CMIP: variants seen among roughly 807,000 people sequenced by gnomAD.
The protein encoded by CMIP is C-Maf-inducing protein.
CMIP carries 13 observed loss-of-function variants against 97.3 expected under a neutral mutation model. The observed-to-expected ratio is 0.13, with a 90% CI of 0.09 to 0.21. CMIP has a LOEUF of 0.21. Ranked by LOEUF, CMIP falls within the 10% of genes least tolerant of loss-of-function variation. The pLI, the probability that CMIP is intolerant of heterozygous loss-of-function variation, is 1.00. For synonymous variants in CMIP, 538 were observed against 436.3 expected (o/e 1.23, Z -2.91); for missense variants, 847 against 1,024.9 (o/e 0.83, Z 2.37).
At chr16:81,706,208 T>C (rs1908119935) in intron 19 of CMIP, among the ~76,000 whole-genome samples, 1 of 152,222 alleles carries the variant, frequency 6.6e-6, no homozygotes, top group South Asian at 2.1e-4. Flanking sequence ...CTTTCCCTTT[T>C]CCAGGCCCAC....
At chr16:81,566,059 G>A (rs777265149) in intron 1 of CMIP, among the ~76,000 whole-genome samples, 1 of 152,222 alleles carries the variant, frequency 6.6e-6, no homozygotes, top group Non-Finnish European at 1.5e-5. Context: ...TGGGCAGCGG[G>A]GGACCTGGGA....
chr16:81,630,353 G>A (rs1320467881), intron 3 of CMIP: 1 of 152,286 alleles, frequency 6.6e-6, no homozygotes, highest in East Asian at 1.9e-4. Context: ...ACCGACTCAT[G>A]AGCCCAGGGC....
At chr16:81,687,313 C>G (rs531225508) in intron 10 of CMIP, among the ~76,000 whole-genome samples, 1 of 152,310 alleles carries the variant, frequency 6.6e-6, no homozygotes, top group East Asian at 1.9e-4. Flanking sequence ...AGCTGGGGAA[C>G]ACCAGGGACA....
intron 7 of CMIP, chr16:81,666,779 A>G (rs1394768726): frequency 6.6e-6 from 1 of 152,242 alleles, no homozygotes; most frequent in Non-Finnish European, 1.5e-5. Context: ...CCTCTCGTGT[A>G]GAAGAACAGA....
chr16:81,696,617 A>G lies in CMIP; in HGVS notation c.1588A>G (p.Ser530Gly). The change falls in exon 14 of 21, where the codon AGC becomes GGC. Residue 530 changes from serine (S) to glycine (G), a missense_variant. Physicochemically the swap from Ser to Gly is moderately conservative, Grantham distance 56. Around this residue, in one of 4 missense-constraint regions of CMIP, gnomAD observed 266 missense variants for 384.2 expected, o/e 0.69. Transcript: ENST00000537098. ...CAAAGATGGCTGGTTCCAGCTCTACAGCCCCGGAGGGGTGGCCTGCGACGA... is the reference window on the plus strand; with the variant it reads ...CAAAGATGGCTGGTTCCAGCTCTACGGCCCCGGAGGGGTGGCCTGCGACGA... Reference protein sequence around the residue: ...AGKDGWFQLYSPGGVACDDDG... With the variant: ...AGKDGWFQLYGPGGVACDDDG... The G allele has an allele frequency of 1.2e-6, 2 of 1,607,382 alleles. No individual in the cohort carries two copies. Among genetic ancestry groups the G allele is most frequent in the Non-Finnish European group, 1.7e-6 (2 of 1,179,844 alleles).
At chr16:81,660,783 G>A in intron 5 of CMIP, 101 bp from the exon 6 acceptor site, 6 of 1,247,246 alleles carry the variant, frequency 4.8e-6, no homozygotes, top group Admixed American at 1.7e-5. Flanking sequence ...GTGTTGCTCT[G>A]CATTTATTTT....
chr16:81,588,662 A>G (rs879586796), intron 1 of CMIP, among the ~76,000 whole-genome samples: 10 of 151,984 alleles, frequency 6.6e-5, no homozygotes, highest in Non-Finnish European at 1.3e-4. Context: ...GCTTATCATC[A>G]CTTAACATCC....
At chr16:81,586,111 A>G (rs8057329) in intron 1 of CMIP, among the ~76,000 whole-genome samples, 5,572 of 146,688 alleles carry the variant, frequency 0.038, 356 homozygotes, top group African/African-American at 0.13. Flanking sequence ...TTTTTTTTCC[A>G]GAAAGGATTT....
Position 81,678,639 on chromosome 16 carries a change from CCCCCGCGTGCCCG to C in CMIP, c.1388+16_1388+28del. 1 of 1,357,744 alleles carries C rather than the reference CCCCCGCGTGCCCG, an allele frequency of 7.4e-7. No individual in the cohort carries two copies. 84.1% of individuals were successfully genotyped at this position (1,357,744 alleles called of 1,614,324 possible). A position where few individuals can be genotyped will look rare whatever the true frequency, so the allele number is the denominator to read the frequency against. ...AATCCTCAAGCTGCTGTGAGTGCCC[CCCCCGCGTGCCCG>C]CCCCCGGGGCCGGTGGGAGGAGACT... On this transcript the variant is annotated intron_variant, in intron 10 of 20. Transcript: ENST00000537098.
rs1328298798 is a variant in CMIP, at chr16:81,614,928, ATC to A, written c.427-5944_427-5943del. ...TCTATATGTGGTGTGCATAGTGTGT[ATC>A]TCTGTGTGTGGTGTGTGCATGTGTG... On this transcript the variant is annotated intron_variant, in intron 2 of 20. Transcript: ENST00000537098. This position sits in a 1 kb window ranked among gnomAD's most constrained non-coding sequence, Gnocchi z 5.3. Among the ~76,000 whole-genome samples the A allele has an allele frequency of 2.1e-5, 3 of 142,258 alleles. No homozygotes were observed. The highest frequency in any genetic ancestry group is 8.0e-5 in the African/African-American group (3 of 37,498). The allele number at this position is 142,258 out of a possible 152,430, so 93.3% of individuals were successfully genotyped here. A position where few individuals can be genotyped will look rare whatever the true frequency, so the allele number is the denominator to read the frequency against.
At chr16:81,528,441 T>C (rs1223419926) in intron 1 of CMIP, among the ~76,000 whole-genome samples, 2 of 152,224 alleles carry the variant, frequency 1.3e-5, no homozygotes, top group East Asian at 3.8e-4. Flanking sequence ...ACCTTGAAGC[T>C]GTGCTCATGC....
At chr16:81,564,602 G>A (rs996768940) in intron 1 of CMIP, among the ~76,000 whole-genome samples, 7 of 152,320 alleles carry the variant, frequency 4.6e-5, no homozygotes, top group South Asian at 4.1e-4. Context: ...AGGCTGCGCC[G>A]CAGTGCCAGG....
intron 3 of CMIP, among the ~76,000 whole-genome samples, chr16:81,636,435 G>T: frequency 6.6e-6 from 1 of 152,030 alleles, no homozygotes; most frequent in East Asian, 1.9e-4. Flanking sequence ...ATACAAATTA[G>T]CTAGGCGTGG....
At chr16:81,467,391 C>A (rs1907268163) in intron 1 of CMIP, among the ~76,000 whole-genome samples, 1 of 152,134 alleles carries the variant, frequency 6.6e-6, no homozygotes, top group Non-Finnish European at 1.5e-5. Flanking sequence ...GTGCCTCTCC[C>A]CCTCTGTGAG....
intron 1 of CMIP, among the ~76,000 whole-genome samples, chr16:81,503,900 T>G (rs2089657541): frequency 6.6e-6 from 1 of 152,236 alleles, no homozygotes; most frequent in Admixed American, 6.5e-5. Context: ...GTAGCTGACA[T>G]GTAATGAGGG....
chr16:81,621,007 A>T lies in CMIP; in HGVS notation c.477+81A>T, dbSNP rs1281305069. ...TAAAGCCAATCTGTCACCCAGAGGC[A>T]TGAAAGTGGAGAACTCATGCCTTCC... On this transcript the variant is annotated intron_variant, in intron 3 of 20. Transcript: ENST00000537098. The surrounding 1 kb of genome is among the most constrained non-coding windows in gnomAD (Gnocchi z 4.1). 1 of 1,564,120 alleles carries T rather than the reference A, an allele frequency of 6.4e-7. No homozygotes were observed. The highest frequency in any genetic ancestry group is 1.1e-5 in the South Asian group (1 of 88,404).
chr16:81,545,939 A>G (rs1424121905), intron 1 of CMIP, among the ~76,000 whole-genome samples: 1 of 152,178 alleles, frequency 6.6e-6, no homozygotes, highest in Non-Finnish European at 1.5e-5. Flanking sequence ...CACTGCAGGT[A>G]GATCTAGTGA....
intron 3 of CMIP, among the ~76,000 whole-genome samples, chr16:81,644,156 C>G (rs908131102): frequency 6.6e-6 from 1 of 152,342 alleles, no homozygotes; most frequent in Middle Eastern, 3.4e-3. Context: ...GTCTCACTTT[C>G]TAGTTAAGTT....
At chr16:81,543,017 G>A (rs1417966403) in intron 1 of CMIP, among the ~76,000 whole-genome samples, 1 of 152,190 alleles carries the variant, frequency 6.6e-6, no homozygotes, top group Non-Finnish European at 1.5e-5. Context: ...GCGAGAGGCC[G>A]CTTGGGAGCC....
Sources: allele counts gnomAD v4.1 joint callset (sites outside exome capture counted in the v4.1 genomes callset), GRCh38; gene constraint gnomAD v4.1.1; regional missense constraint gnomAD v4.1.1; non-coding constraint Gnocchi (gnomAD v3.1); transcripts MANE v1.5; gene names NCBI Gene and HGNC (gene_info 2026-07-23, HGNC 2026-07-21).